SDF4: variants seen among roughly 807,000 people sequenced by gnomAD.
The protein encoded by SDF4 is 45 kDa calcium-binding protein.
A neutral mutation model predicts 34.2 loss-of-function variants in SDF4; 22 were observed. The ratio of observed to expected loss-of-function variants is 0.64; its 90% CI spans 0.46 to 0.92. SDF4 has a LOEUF of 0.92. SDF4 is among the 40% of genes least tolerant of loss of function. The pLI is 0.00. For synonymous variants in SDF4, 236 were observed against 203.1 expected, an observed-to-expected ratio of 1.16 and a Z score of -1.38; for missense variants, 447 against 499.9, an observed-to-expected ratio of 0.89 and a Z score of 1.01.
At chr1:1,228,990 A>C in intron 1 of SDF4, 44 bp from the exon 2 acceptor site, 2 of 583,510 alleles carry the variant, frequency 3.4e-6, no homozygotes, top group Non-Finnish European at 6.1e-6. Context: ...CTCAGCAAAG[A>C]CTTCCCCAAG....
Position 1,217,777 on chromosome 1 carries a change from T to C in SDF4, c.892-89A>G, listed in dbSNP as rs576116710. 3.1e-6 allele frequency: 5 copies of C among 1,597,760 alleles called. No individual in the cohort carries two copies. Among genetic ancestry groups the C allele is most frequent in the East Asian group, 2.2e-5 (1 of 44,548 alleles). On this transcript the variant is annotated intron_variant, in intron 6 of 6. Coordinates refer to ENST00000360001, the MANE Select transcript of SDF4 (RefSeq NM_016176.6). The surrounding 1 kb of genome is among the most constrained non-coding windows in gnomAD (Gnocchi z 8.5). Reference sequence around the variant, plus strand: ...ACGAAGTGGCTATTTAAGGTGCCTATTGGCTGCAGCGGGAGTGTGGGCACG... The same window carrying C: ...ACGAAGTGGCTATTTAAGGTGCCTACTGGCTGCAGCGGGAGTGTGGGCACG...
At chr1:1,225,110 G>C (rs1269794709) in intron 2 of SDF4, among the ~76,000 whole-genome samples, 2 of 152,192 alleles carry the variant, frequency 1.3e-5, no homozygotes, top group African/African-American at 4.8e-5. Flanking sequence ...TCCCGTCCCA[G>C]CTTCAGAGCT....
In SDF4 at chr1:1,218,433, G is replaced by C. The variant is rs767418228; in HGVS notation, c.891+25C>G. On this transcript the variant is annotated intron_variant, in intron 6 of 6. Transcript: ENST00000360001. This position sits in a 1 kb window ranked among gnomAD's most constrained non-coding sequence, Gnocchi z 7.9. ...CACAGCACCTCGCAGGGCCGGCTCCGGGACACGGCTGCGCCAGGGCTCACC... is the reference window on the plus strand; with the variant it reads ...CACAGCACCTCGCAGGGCCGGCTCCCGGACACGGCTGCGCCAGGGCTCACC... The C allele has an allele frequency of 1.9e-6, 3 of 1,603,016 alleles. No individual in the cohort carries two copies. Among genetic ancestry groups the C allele is most frequent in the Non-Finnish European group, 2.5e-6 (3 of 1,177,804 alleles).
At position 1,217,558 on chromosome 1, in the gene SDF4, C is replaced by T. The variant is rs1396348103; in HGVS notation, c.1022G>A (p.Gly341Asp). The change falls in exon 7 of 7, where the codon GGC becomes GAC. Residue 341 changes from glycine to aspartate, a missense_variant. Coordinates refer to ENST00000360001, the MANE Select transcript of SDF4 (RefSeq NM_016176.6). The surrounding 1 kb of genome is among the most constrained non-coding windows in gnomAD (Gnocchi z 8.5). ...EVLKYSEFFT[G>D]SKLVDYARSV... Reference sequence around the variant, plus strand: ...GCGCGCGTAGTCCACCAGCTTGCTGCCCGTGAAGAACTCGCTGTACTTGAG... The same window carrying T: ...GCGCGCGTAGTCCACCAGCTTGCTGTCCGTGAAGAACTCGCTGTACTTGAG... 5 of 1,613,190 alleles carry T rather than the reference C, an allele frequency of 3.1e-6. No homozygotes were observed. The highest frequency in any genetic ancestry group is 1.7e-4 in the Middle Eastern group (1 of 6,046).
intron 2 of SDF4, among the ~76,000 whole-genome samples, chr1:1,227,508 G>A (rs1395002011): frequency 6.6e-6 from 1 of 152,086 alleles, no homozygotes; most frequent in East Asian, 1.9e-4. Flanking sequence ...GGCGGGGGCT[G>A]CCTCCTTGTG....
chr1:1,217,455 C>A lies in SDF4; in HGVS notation c.*57G>T. 1.5e-6 allele frequency: 2 copies of A among 1,360,992 alleles called. No homozygotes were observed. Among genetic ancestry groups the A allele is most frequent in the South Asian group, 3.3e-5 (2 of 61,432 alleles). The allele number at this position is 1,360,992 out of a possible 1,614,324, so 84.3% of individuals were successfully genotyped here. On this transcript the variant is annotated 3_prime_UTR_variant, in exon 7 of 7. Coordinates refer to ENST00000360001, the MANE Select transcript of SDF4 (RefSeq NM_016176.6). The surrounding 1 kb of genome is among the most constrained non-coding windows in gnomAD (Gnocchi z 8.5). ...CCGGGACAGCCACGGAGCCCGGAGT[C>A]ACCCGCGAGGCCGCCCCGGTGGTGC...
intron 4 of SDF4, 94 bp from the exon 5 acceptor site, chr1:1,219,021 A>G (rs1233312202): frequency 4.3e-6 from 7 of 1,610,392 alleles, no homozygotes; most frequent in East Asian, 2.2e-5. Flanking sequence ...CTCGAGGGAC[A>G]CAGCCACCCG....
At chr1:1,223,416 A>G (rs1470670659) in intron 3 of SDF4, 59 bp from the exon 4 acceptor site, 21 of 1,195,626 alleles carry the variant, frequency 1.8e-5, no homozygotes, top group Non-Finnish European at 2.2e-5. Flanking sequence ...TTCCTTCTCA[A>G]CTGAGATGGG....
Position 1,217,770 on chromosome 1 carries a change from G to A in SDF4, c.892-82C>T, listed in dbSNP as rs1478739540. The A allele has an allele frequency of 6.2e-7, 1 of 1,601,386 alleles. No homozygotes were observed. The highest frequency in any genetic ancestry group is 8.5e-7 in the Non-Finnish European group (1 of 1,175,080). On this transcript the variant is annotated intron_variant, in intron 6 of 6. Coordinates refer to ENST00000360001, the MANE Select transcript of SDF4 (RefSeq NM_016176.6). This position sits in a 1 kb window ranked among gnomAD's most constrained non-coding sequence, Gnocchi z 8.5. Reference sequence around the variant, plus strand: ...CAGCCGCACGAAGTGGCTATTTAAGGTGCCTATTGGCTGCAGCGGGAGTGT... The same window carrying A: ...CAGCCGCACGAAGTGGCTATTTAAGATGCCTATTGGCTGCAGCGGGAGTGT...
intron 4 of SDF4, chr1:1,220,814 C>T: frequency 2.5e-6 from 3 of 1,204,860 alleles, no homozygotes; most frequent in Non-Finnish European, 3.3e-6. Context: ...GCAAGGCCTC[C>T]TGCCCCAAGC....
Position 1,217,513 on chromosome 1 carries a change from C to T in SDF4, c.1067G>A (p.Ter356=). 1 of 1,588,990 alleles carries T rather than the reference C, an allele frequency of 6.3e-7. No individual in the cohort carries two copies. The highest frequency in any genetic ancestry group is 8.6e-7 in the Non-Finnish European group (1 of 1,166,462). The change falls in exon 7 of 7, where the codon TGA becomes TAA. Residue 356 remains the stop codon, a stop_retained_variant. Transcript: ENST00000360001. This position sits in a 1 kb window ranked among gnomAD's most constrained non-coding sequence, Gnocchi z 8.5. The part of the protein sequence containing the change: ...DYARSVHEEF[*] Reference sequence around the variant, plus strand: ...GCGGCGCGGGGCGCGGCCGGGCGCTCAAAACTCCTCGTGCACGCTGCGCGC... The same window carrying T: ...GCGGCGCGGGGCGCGGCCGGGCGCTTAAAACTCCTCGTGCACGCTGCGCGC...
At position 1,228,532 on chromosome 1, in the gene SDF4, C is replaced by T; in HGVS notation, c.241G>A (p.Gly81Ser). 6.2e-7 allele frequency: 1 copy of T among 1,612,920 alleles called. No individual in the cohort carries two copies. Residue 81 changes from glycine to serine, a missense_variant, in exon 2 of 7, where the codon GGT becomes AGT. By Grantham distance (56) the Gly-to-Ser change is moderately conservative. Coordinates refer to ENST00000360001, the MANE Select transcript of SDF4 (RefSeq NM_016176.6). ...GGCTCCGCGTCCTCATCAAAGCCAC[C>T]CAGGTCCTTGCCTAGGAAGACCTCC... ...HQEVFLGKDL[G>S]GFDEDAEPRR...
At chr1:1,230,030 G>A (rs1260406236) in intron 1 of SDF4, among the ~76,000 whole-genome samples, 1 of 152,240 alleles carries the variant, frequency 6.6e-6, no homozygotes, top group Non-Finnish European at 1.5e-5. Context: ...AGTCCTGGTG[G>A]GAAGCAGGGG....
intron 2 of SDF4, among the ~76,000 whole-genome samples, chr1:1,225,616 A>G (rs1638279861): frequency 6.6e-6 from 1 of 152,136 alleles, no homozygotes; most frequent in Non-Finnish European, 1.5e-5. Flanking sequence ...CCGGGTGGCC[A>G]TGTGGCAGGT....
In SDF4 at chr1:1,219,679, G is replaced by A. The variant is rs984380440; in HGVS notation, c.557-752C>T. ...CCCGGCCCCAACGGGCCCTCACCCC[G>A]AGGTCCCCACACATCCCAAGGACCC... is the stretch of plus-strand genomic sequence containing the variant. On this transcript the variant is annotated intron_variant, in intron 4 of 6. Transcript: ENST00000360001. 22 of 986,370 alleles carry A rather than the reference G, an allele frequency of 2.2e-5. No homozygotes were observed. The South Asian group carries it at 3.7e-4, about 17-fold the overall frequency. The allele number at this position is 986,370 out of a possible 1,614,324, so 61.1% of individuals were successfully genotyped here.
intron 2 of SDF4, 79 bp from the exon 3 acceptor site, chr1:1,224,047 C>T (rs1278480338): frequency 5.1e-6 from 8 of 1,583,290 alleles, no homozygotes; most frequent in Non-Finnish European, 6.8e-6. Flanking sequence ...GCCGCCGGCC[C>T]AGGACTCCAT....
At chr1:1,225,505 C>T (rs1262702637) in intron 2 of SDF4, among the ~76,000 whole-genome samples, 2 of 152,210 alleles carry the variant, frequency 1.3e-5, no homozygotes, top group South Asian at 2.1e-4. Context: ...CGCTCACACG[C>T]GCCCCTCCCT....
At chr1:1,223,790 G>A (rs769313781) in intron 3 of SDF4, 42 bp downstream of exon 3, 8 of 193,692 alleles carry the variant, frequency 4.1e-5, no homozygotes, top group Admixed American at 2.0e-4. Context: ...GGCCCTGCCC[G>A]CCCCGCCCAC....
At chr1:1,227,649 C>T (rs962458010) in intron 2 of SDF4, among the ~76,000 whole-genome samples, 3 of 152,168 alleles carry the variant, frequency 2.0e-5, no homozygotes, top group African/African-American at 7.2e-5. Flanking sequence ...AGGGGTGAGG[C>T]CAGCGCTGAG....
Sources: allele counts gnomAD v4.1 joint callset (sites outside exome capture counted in the v4.1 genomes callset), GRCh38; gene constraint gnomAD v4.1.1; non-coding constraint Gnocchi (gnomAD v3.1); transcripts MANE v1.5; gene names NCBI Gene and HGNC (gene_info 2026-07-23, HGNC 2026-07-21).